Variants in CTBP1 observed in about 807,000 individuals in gnomAD.
CTBP1 encodes the protein C-terminal-binding protein 1.
A neutral mutation model predicts 42.1 loss-of-function variants in CTBP1; 11 were observed. The observed-to-expected ratio is 0.26, with a 90% CI of 0.16 to 0.43. CTBP1 has a LOEUF of 0.43. Ranked by LOEUF, CTBP1 falls within the 20% of genes least tolerant of loss-of-function variation. CTBP1 has a pLI of 1.00. For missense variants in CTBP1, 399 were observed against 624.3 expected (o/e 0.64, Z 3.85); for synonymous variants, 324 against 277.1 (o/e 1.17, Z -1.68).
chr4:1,225,771 A>G (rs976567116), intron 4 of CTBP1, among the ~76,000 whole-genome samples: 1 of 152,068 alleles, frequency 6.6e-6, no homozygotes, highest in East Asian at 1.9e-4. Flanking sequence ...CCCCACCTCC[A>G]CTTTAGGTTC....
Position 1,238,142 on chromosome 4 carries a change from A to T in CTBP1, c.162+41T>A. ...GCTCCCGTCCCTCCAACTCCCCCCA[A>T]CGTGCGGTTCTGCCAGCCCCAGGCG... On this transcript the variant is annotated intron_variant, in intron 3 of 9. Coordinates refer to ENST00000382952, the MANE Select transcript of CTBP1 (RefSeq NM_001012614.2). This position sits in a 1 kb window ranked among gnomAD's most constrained non-coding sequence, Gnocchi z 5.9. 1 of 1,611,908 alleles carries T rather than the reference A, an allele frequency of 6.2e-7. No individual in the cohort carries two copies.
chr4:1,249,508 C>CAGCCGCAGCCGCAGCCGT (rs1448927548), upstream of CTBP1: 5 of 175,152 alleles, frequency 2.9e-5, no homozygotes, highest in South Asian at 4.3e-4. Flanking sequence ...GCCGCAGCCG[C>CAGCCGCAGCCGCAGCCGT]CCCGCTCCCT....
At chr4:1,247,403 C>G (rs1419695407) in intron 1 of CTBP1, among the ~76,000 whole-genome samples, 1 of 152,038 alleles carries the variant, frequency 6.6e-6, no homozygotes, top group Non-Finnish European at 1.5e-5. Flanking sequence ...GCGGAGCCGA[C>G]AGCCCCAACC....
chr4:1,229,170 G>A (rs979430824), intron 3 of CTBP1, among the ~76,000 whole-genome samples: 1 of 152,230 alleles, frequency 6.6e-6, no homozygotes, highest in Non-Finnish European at 1.5e-5. Flanking sequence ...AGCCCAGGGA[G>A]GGCAGGGGCA....
rs1048984544 is a variant in CTBP1, at chr4:1,228,301, T to C, written c.205A>G (p.Thr69Ala). 1 of 1,613,684 alleles carries C rather than the reference T, an allele frequency of 6.2e-7. No individual in the cohort carries two copies. Among genetic ancestry groups the C allele is most frequent in the Non-Finnish European group, 8.5e-7 (1 of 1,179,912 alleles). The change falls in exon 4 of 10, where the codon ACT (threonine) becomes GCT (alanine). Residue 69 changes from threonine to alanine, a missense_variant. By Grantham distance (58) the Thr-to-Ala change is moderately conservative (BLOSUM62 0). This residue lies in a region of CTBP1 where 309 missense variants were observed against 497.5 expected (regional missense o/e 0.62). Coordinates refer to ENST00000382952, the MANE Select transcript of CTBP1 (RefSeq NM_001012614.2). ...AVGALMYHTITLTREDLEKFK... is the reference protein window; with the variant it reads ...AVGALMYHTIALTREDLEKFK... ...TTCTCCAGGTCCTCCCTGGTGAGAG[T>C]GATGGTGTGGTACATCAGGGCCCCC... is the stretch of plus-strand genomic sequence containing the variant.
intron 1 of CTBP1, chr4:1,244,779 C>A (rs751542652): frequency 2.3e-5 from 23 of 985,302 alleles, no homozygotes; most frequent in Non-Finnish European, 2.8e-5. Context: ...GCCGTGAGTC[C>A]CCGGCAGCCA....
intron 5 of CTBP1, among the ~76,000 whole-genome samples, chr4:1,222,543 A>G (rs1187458931): frequency 6.6e-6 from 1 of 152,190 alleles, no homozygotes; most frequent in African/African-American, 2.4e-5. Flanking sequence ...TGCCAGGTCC[A>G]CCCTGCACTC....
intron 3 of CTBP1, chr4:1,237,889 G>A (rs1280788995): frequency 1.3e-5 from 9 of 699,150 alleles, no homozygotes; most frequent in Admixed American, 2.0e-5. Context: ...CAAACCGAAT[G>A]TCCACCTCCT....
chr4:1,225,202 C>A (rs1053865181), intron 5 of CTBP1, 158 bp downstream of exon 5: 10 of 840,226 alleles, frequency 1.2e-5, no homozygotes, highest in African/African-American at 1.0e-4. Context: ...CTGGGACTCC[C>A]GGGCCCTGGT....
At chr4:1,217,837 C>T (rs2108724029) in intron 5 of CTBP1, 1 of 152,334 alleles carries the variant, frequency 6.6e-6, no homozygotes, top group East Asian at 1.9e-4. Context: ...ATGACCGAGG[C>T]TGGAATCAGC....
At chr4:1,244,477 C>G (rs1292785676) in intron 1 of CTBP1, 17 of 985,212 alleles carry the variant, frequency 1.7e-5, no homozygotes, top group Non-Finnish European at 2.0e-5. Flanking sequence ...GACCCAGGCT[C>G]GGCAGCTACC....
intron 5 of CTBP1, among the ~76,000 whole-genome samples, chr4:1,221,249 T>A (rs1247320569): frequency 6.6e-6 from 1 of 152,140 alleles, no homozygotes; most frequent in East Asian, 1.9e-4. Flanking sequence ...AATTAAAATA[T>A]CACAAAATAC....
At chr4:1,242,114 T>C (rs1732240749) in intron 1 of CTBP1, 1 of 985,370 alleles carries the variant, frequency 1.0e-6, no homozygotes, top group South Asian at 4.7e-5. Flanking sequence ...CCAAAAAAAC[T>C]GCTCAGCTCT....
At chr4:1,224,811 G>A (rs1048733465) in intron 5 of CTBP1, among the ~76,000 whole-genome samples, 26 of 150,610 alleles carry the variant, frequency 1.7e-4, no homozygotes, top group Non-Finnish European at 3.0e-5. Context: ...TTCTGTGTGC[G>A]CCCGTGAGGT....
chr4:1,244,623 C>T (rs762861503), intron 1 of CTBP1: 193 of 985,276 alleles, frequency 2.0e-4, no homozygotes, highest in Non-Finnish European at 2.2e-4. Context: ...CCACAGCAGC[C>T]CCTAAAGCCG....
chr4:1,247,883 A>G (rs1432838647), intron 1 of CTBP1, among the ~76,000 whole-genome samples: 1 of 152,178 alleles, frequency 6.6e-6, no homozygotes, highest in African/African-American at 2.4e-5. Context: ...GGCACCGGGA[A>G]GGGCGCGACC....
At chr4:1,249,514 T>A (rs1733136256), upstream of CTBP1, 2 of 95,810 alleles carry the variant, frequency 2.1e-5, no homozygotes, top group Non-Finnish European at 2.3e-5. Flanking sequence ...GCCGCCCCGC[T>A]CCCTTCCCGC....
chr4:1,235,611 A>T lies in CTBP1; in HGVS notation c.162+2572T>A, dbSNP rs1046615697. On this transcript the variant is annotated intron_variant, in intron 3 of 9. Transcript: ENST00000382952. The surrounding 1 kb of genome is among the most constrained non-coding windows in gnomAD (Gnocchi z 4.2). ...TCTCATTTTCTCCCCTAACGCTGCTACGCCCCGTTCCAGAGTCATCAGCTC... is the reference window on the plus strand; with the variant it reads ...TCTCATTTTCTCCCCTAACGCTGCTTCGCCCCGTTCCAGAGTCATCAGCTC... 2.0e-5 allele frequency: 3 copies of T among 151,930 alleles called. No individual in the cohort carries two copies. The highest frequency in any genetic ancestry group is 6.6e-5 in the Admixed American group (1 of 15,260). 9.4% of individuals were successfully genotyped at this position (151,930 alleles called of 1,614,324 possible).
Position 1,238,429 on chromosome 4 carries a change from G to C in CTBP1, c.8-92C>G. On this transcript the variant is annotated intron_variant, in intron 2 of 9. Coordinates refer to ENST00000382952, the MANE Select transcript of CTBP1 (RefSeq NM_001012614.2). This position sits in a 1 kb window ranked among gnomAD's most constrained non-coding sequence, Gnocchi z 5.9. ...CCACCCACTGTGCACGGGCCAACGA[G>C]GGCCGACCGCCGGGGGTTTTCTGGT... 1.4e-6 allele frequency: 2 copies of C among 1,437,170 alleles called. No homozygotes were observed. The highest frequency in any genetic ancestry group is 1.4e-5 in the South Asian group (1 of 69,712). The allele number at this position is 1,437,170 out of a possible 1,614,324, so 89.0% of individuals were successfully genotyped here. A position where few individuals can be genotyped will look rare whatever the true frequency, so the allele number is the denominator to read the frequency against.
Sources: gnomAD v4.1 joint callset for allele counts (sites outside exome capture counted in the v4.1 genomes callset) on GRCh38, gnomAD v4.1.1 for gene constraint, gnomAD v4.1.1 regional missense constraint, Gnocchi (gnomAD v3.1) non-coding constraint, MANE v1.5 for transcripts, NCBI Gene and HGNC (gene_info 2026-07-23, HGNC 2026-07-21) for gene names.